The following MAP3K12 variants were observed in gnomAD, a reference collection of about 807,000 sequenced individuals.
MAP3K12 encodes mitogen-activated protein kinase kinase kinase 12.
A neutral mutation model predicts 87.5 loss-of-function variants in MAP3K12; 14 were observed. That is an observed-to-expected ratio of 0.16 (90% CI 0.11 to 0.25). MAP3K12 has a LOEUF of 0.25. Among genes scored for constraint, MAP3K12 ranks in the 10% least tolerant of loss-of-function variants. MAP3K12 has a pLI of 1.00. For missense variants in MAP3K12, 802 were observed against 1,140.4 expected (o/e 0.70, Z 4.27); for synonymous variants, 469 against 452.5 (o/e 1.04, Z -0.46).
chr12:53,499,141 G>A (rs1316314675), intron 1 of MAP3K12, among the ~76,000 whole-genome samples: 1 of 151,604 alleles, frequency 6.6e-6, no homozygotes, highest in African/African-American at 2.4e-5. Flanking sequence ...CTTTAAGTCT[G>A]TCCCCCAATC....
At position 53,483,806 on chromosome 12, in the gene MAP3K12, C is replaced by T. The variant is rs905678836; in HGVS notation, c.1359-83G>A. On this transcript the variant is annotated intron_variant, in intron 8 of 13. Transcript: ENST00000547488. Reference sequence around the variant, plus strand: ...ATCTCAGTCTCAGAATTCCTGTCCACAGTCCTTTCGTAGTCCTTCCACCCG... The same window carrying T: ...ATCTCAGTCTCAGAATTCCTGTCCATAGTCCTTTCGTAGTCCTTCCACCCG... 5.0e-6 allele frequency: 8 copies of T among 1,611,996 alleles called. No individual in the cohort carries two copies. The East Asian group carries it at 1.3e-4, about 27-fold the overall frequency.
At chr12:53,498,285 G>A (rs1943584123) in intron 1 of MAP3K12, among the ~76,000 whole-genome samples, 1 of 152,176 alleles carries the variant, frequency 6.6e-6, no homozygotes, top group African/African-American at 2.4e-5. Flanking sequence ...GCCTTAGCTT[G>A]GTAGGACCCT....
chr12:53,484,094 C>T, intron 7 of MAP3K12, 74 bp from the exon 8 acceptor site: 3 of 1,479,406 alleles, frequency 2.0e-6, no homozygotes, highest in Non-Finnish European at 2.8e-6. Context: ...TTGCCCACAC[C>T]ACTGCCAATG....
In MAP3K12 at chr12:53,480,172, C is replaced by CT. The variant is rs1235879832; in HGVS notation, c.*1009dup. Reference sequence around the variant, plus strand: ...ACACATTAAGCAGTTGATCATATGTCTGACTGGGTTCCAGTTTCTTGGGAA... The same window carrying CT: ...ACACATTAAGCAGTTGATCATATGTCTTGACTGGGTTCCAGTTTCTTGGGAA... On this transcript the variant is annotated 3_prime_UTR_variant, in exon 14 of 14. Coordinates refer to ENST00000547488, the MANE Select transcript of MAP3K12 (RefSeq NM_001193511.2). The CT allele has an allele frequency of 2.0e-5, 3 of 152,180 alleles. No individual in the cohort carries two copies. Among genetic ancestry groups the CT allele is most frequent in the African/African-American group, 7.2e-5 (3 of 41,436 alleles). 9.4% of individuals were successfully genotyped at this position (152,180 alleles called of 1,614,324 possible).
rs767031913 is a variant in MAP3K12, at chr12:53,486,407, C to A, written c.629+32G>T. The A allele has an allele frequency of 6.2e-7, 1 of 1,610,372 alleles. No individual in the cohort carries two copies. The highest frequency in any genetic ancestry group is 1.7e-5 in the Admixed American group (1 of 59,802). Reference sequence around the variant, plus strand: ...AGGGTACCAGGCCTTAGCATAGTATCCCCAACACCCAGCCCCTGCCCTGGA... The same window carrying A: ...AGGGTACCAGGCCTTAGCATAGTATACCCAACACCCAGCCCCTGCCCTGGA... On this transcript the variant is annotated intron_variant, in intron 3 of 13. Transcript: ENST00000547488. This position sits in a 1 kb window ranked among gnomAD's most constrained non-coding sequence, Gnocchi z 4.9.
chr12:53,484,505 G>A, intron 6 of MAP3K12, 140 bp from the exon 7 acceptor site: 1 of 644,998 alleles, frequency 1.6e-6, no homozygotes, highest in African/African-American at 1.8e-5. Flanking sequence ...ATGGTCAACT[G>A]TCTCTAGAGA....
At chr12:53,483,304 C>A (rs2137180954) in intron 10 of MAP3K12, 45 bp downstream of exon 10, 1 of 1,601,692 alleles carries the variant, frequency 6.2e-7, no homozygotes, top group Non-Finnish European at 8.5e-7. Context: ...GTTGCCACTT[C>A]AGTATCCCTC....
chr12:53,491,459 A>G (rs376077105), intron 1 of MAP3K12, among the ~76,000 whole-genome samples: 140 of 142,476 alleles, frequency 9.8e-4, no homozygotes, highest in East Asian at 3.4e-3. Flanking sequence ...TTTGAGATGG[A>G]GTCTTGCACT....
chr12:53,481,632 G>A, intron 13 of MAP3K12: 1 of 357,158 alleles, frequency 2.8e-6, no homozygotes. Context: ...CCAGGCGTGA[G>A]TCACCATGCC....
At chr12:53,501,366 G>T, upstream of MAP3K12, 1 of 1,552,070 alleles carries the variant, frequency 6.4e-7, no homozygotes, top group Non-Finnish European at 8.7e-7. Context: ...TGGGGCGCGT[G>T]GAGGCTGCAG....
At chr12:53,501,245 G>A (rs1252315515), upstream of MAP3K12, 3 of 714,464 alleles carry the variant, frequency 4.2e-6, no homozygotes, top group Non-Finnish European at 7.0e-6. Flanking sequence ...TCCAGATGGA[G>A]GCTCACGAAG....
In MAP3K12 at chr12:53,486,510, C is replaced by T; in HGVS notation, c.558G>A (p.Lys186=). 6.2e-7 allele frequency: 1 copy of T among 1,614,162 alleles called. No individual in the cohort carries two copies. Among genetic ancestry groups the T allele is most frequent in the Non-Finnish European group, 8.5e-7 (1 of 1,180,024 alleles). ...RFHGEEVAVK[K]VRDLKETDIK... The stretch of plus-strand genomic sequence containing the variant: ...TGTCGGTTTCTTTGAGGTCTCGCAC[C>T]TTCTTCACAGCCACCTCCTCCCCGT... The change falls in exon 3 of 14, where the codon AAG becomes AAA. Residue 186 remains lysine (K), a synonymous_variant. Transcript: ENST00000547488. This position sits in a 1 kb window ranked among gnomAD's most constrained non-coding sequence, Gnocchi z 4.9.
At position 53,487,369 on chromosome 12, in the gene MAP3K12, C is replaced by T. The variant is rs747561359; in HGVS notation, c.23G>A (p.Arg8Gln). 2.0e-5 allele frequency: 33 copies of T among 1,612,664 alleles called. No individual in the cohort carries two copies. The highest frequency in any genetic ancestry group is 2.7e-5 in the African/African-American group (2 of 74,936). Residue 8 changes from arginine to glutamine, a missense_variant, in exon 2 of 14, where the codon CGA becomes CAA. Arg to Gln is a conservative substitution (Grantham distance 43, BLOSUM62 1). Around this residue, in one of 5 missense-constraint regions of MAP3K12, gnomAD observed 135 missense variants for 151.6 expected, o/e 0.89. Coordinates refer to ENST00000547488, the MANE Select transcript of MAP3K12 (RefSeq NM_001193511.2). Reference protein sequence around the residue: MACLHETRTPSPSFGGFV... With the variant: MACLHETQTPSPSFGGFV... ...GCCCCCAAAGGAAGGAGAGGGTGTT[C>T]GGGTCTCATGGAGGCAAGCCATCGC...
intron 6 of MAP3K12, 159 bp from the exon 7 acceptor site, chr12:53,484,524 C>G (rs925442130): frequency 3.2e-6 from 2 of 616,764 alleles, no homozygotes; most frequent in African/African-American, 3.7e-5. Context: ...GAATATTACA[C>G]ACTATTCATT....
chr12:53,496,981 G>A (rs1273055167), intron 1 of MAP3K12, among the ~76,000 whole-genome samples: 1 of 152,214 alleles, frequency 6.6e-6, no homozygotes, highest in African/African-American at 2.4e-5. Context: ...AACGGGGACA[G>A]TGGTACCTAT....
chr12:53,483,969 C>G lies in MAP3K12; in HGVS notation c.1300G>C (p.Gly434Arg). 1 of 1,614,140 alleles carries G rather than the reference C, an allele frequency of 6.2e-7. No homozygotes were observed. Among genetic ancestry groups the G allele is most frequent in the Non-Finnish European group, 8.5e-7 (1 of 1,180,020 alleles). The part of the protein sequence containing the change: ...KLHFEKIKSE[G>R]TCLHRLEEEL... ...TCTTCTAGGCGGTGCAGACAGGTCCCTTCTGACTTAATCTTTTCAAAGTGC... is the reference window on the plus strand; with the variant it reads ...TCTTCTAGGCGGTGCAGACAGGTCCGTTCTGACTTAATCTTTTCAAAGTGC... Residue 434 changes from glycine (G) to arginine (R), a missense_variant, in exon 8 of 14, where the codon GGG becomes CGG. Transcript: ENST00000547488.
At chr12:53,489,300 A>T (rs2256970) in intron 1 of MAP3K12, among the ~76,000 whole-genome samples, 2 of 152,052 alleles carry the variant, frequency 1.3e-5, no homozygotes, top group Admixed American at 1.3e-4. Flanking sequence ...GCCTGGGCGA[A>T]GTAGCCAAAC....
chr12:53,483,051 G>A lies in MAP3K12; in HGVS notation c.1752C>T (p.Ser584=), dbSNP rs764138753. ...GCAGGTCCCCACAGCTCCCCTTGGC[G>A]CTGGCCTTGCGGTGACGGGTCTTGC... is the stretch of plus-strand genomic sequence containing the variant. ...RRGKTRHRKA[S]AKGSCGDLPG... is the part of the protein sequence containing the mutation. Residue 584 remains serine (S), a synonymous_variant, in exon 11 of 14, where the codon AGC becomes AGT. Transcript: ENST00000547488. 1.9e-6 allele frequency: 3 copies of A among 1,550,368 alleles called. No individual in the cohort carries two copies. The highest frequency in any genetic ancestry group is 2.0e-5 in the Admixed American group (1 of 49,262).
At chr12:53,496,945 A>AG (rs1273544499) in intron 1 of MAP3K12, among the ~76,000 whole-genome samples, 53 of 152,164 alleles carry the variant, frequency 3.5e-4, no homozygotes, top group Non-Finnish European at 8.8e-5. Context: ...GAGACTTTTC[A>AG]ACAAACCTCA....
Sources: allele counts gnomAD v4.1 joint callset (sites outside exome capture counted in the v4.1 genomes callset), GRCh38; gene constraint gnomAD v4.1.1; regional missense constraint gnomAD v4.1.1; non-coding constraint Gnocchi (gnomAD v3.1); transcripts MANE v1.5; gene names NCBI Gene and HGNC (gene_info 2026-07-23, HGNC 2026-07-21).